The following NFIC variants were observed in gnomAD, a reference collection of about 807,000 sequenced individuals.
NFIC encodes nuclear factor I C.
NFIC carries 12 observed loss-of-function variants against 54.4 expected under a neutral mutation model. The ratio of observed to expected loss-of-function variants is 0.22; its 90% CI spans 0.14 to 0.36. The LOEUF (loss-of-function observed/expected upper bound fraction) is 0.36. Among genes scored for constraint, NFIC ranks in the 10% least tolerant of loss-of-function variants. NFIC has a pLI of 1.00. For missense variants in NFIC, 575 were observed against 718.2 expected (o/e 0.80, Z 2.28); for synonymous variants, 322 against 319.2 (o/e 1.01, Z -0.09).
rs527395817 is a variant in NFIC, at chr19:3,393,098, A to G, written c.562+10855A>G. Among the ~76,000 whole-genome samples the G allele has an allele frequency of 8.6e-5, 13 of 151,904 alleles. No homozygotes were observed. The East Asian group carries it at 1.4e-3, about 16-fold the overall frequency. On this transcript the variant is annotated intron_variant, in intron 2 of 10. Transcript: ENST00000443272. ...TGGGATTACAGGTGCCCGCCACCAC[A>G]CCCAGCTAATTTTTGTATTTTTAGT...
chr19:3,403,686 C>A (rs1188132615), intron 2 of NFIC, among the ~76,000 whole-genome samples: 6 of 152,256 alleles, frequency 3.9e-5, no homozygotes, highest in African/African-American at 1.4e-4. Flanking sequence ...GGCTCCCGCG[C>A]CTTCCTCCTG....
chr19:3,441,098 C>T (rs996626830), intron 6 of NFIC, among the ~76,000 whole-genome samples: 28 of 152,338 alleles, frequency 1.8e-4, no homozygotes, highest in Non-Finnish European at 3.7e-4. Flanking sequence ...GTGTGAGCCA[C>T]CACACCCGGC....
intron 1 of NFIC, among the ~76,000 whole-genome samples, chr19:3,380,251 G>A (rs538727166): frequency 5.0e-5 from 7 of 140,850 alleles, no homozygotes; most frequent in East Asian, 2.1e-4. Flanking sequence ...TGATCTGCCC[G>A]CCTTGGCCTC....
upstream of NFIC, among the ~76,000 whole-genome samples, chr19:3,363,263 ATATATATTTTT>A (rs1429665465): frequency 1.5e-4 from 9 of 60,938 alleles, no homozygotes; most frequent in African/African-American, 7.1e-4. Context: ...ATATATATAT[ATATATATTTTT>A]TTTTTTTTTT....
In NFIC at chr19:3,381,853, A is replaced by C. The variant is rs1157242906; in HGVS notation, c.172A>C (p.Lys58Gln). ...GTCGAAGGACGAGGAGCGTGCGGTC[A>C]AGGACGAGCTGCTGGGCGAGAAGCC... Reference protein sequence around the residue: ...RMSKDEERAVKDELLGEKPEV... With the variant: ...RMSKDEERAVQDELLGEKPEV... The change falls in exon 2 of 11, where the codon AAG becomes CAG. Residue 58 changes from lysine (K) to glutamine (Q), a missense_variant. This residue lies in a region of NFIC where 122 missense variants were observed against 158.0 expected (regional missense o/e 0.77). Coordinates refer to ENST00000443272, the MANE Select transcript of NFIC (RefSeq NM_001245002.2). 5.0e-6 allele frequency: 8 copies of C among 1,613,878 alleles called. No individual in the cohort carries two copies. Among genetic ancestry groups the C allele is most frequent in the Non-Finnish European group, 6.8e-6 (8 of 1,179,962 alleles).
intron 6 of NFIC, among the ~76,000 whole-genome samples, chr19:3,445,758 G>A (rs1457858086): frequency 6.6e-6 from 1 of 152,216 alleles, no homozygotes; most frequent in Non-Finnish European, 1.5e-5. Context: ...GTTCAGGGAA[G>A]GATGCAGCGA....
upstream of NFIC, among the ~76,000 whole-genome samples, chr19:3,365,879 G>T (rs1466906276): frequency 2.0e-5 from 3 of 152,188 alleles, no homozygotes; most frequent in Non-Finnish European, 1.5e-5. Flanking sequence ...CTGCACACAA[G>T]CCCCTCTAGC....
intron 2 of NFIC, among the ~76,000 whole-genome samples, chr19:3,398,830 G>C (rs1469505376): frequency 6.6e-6 from 1 of 152,354 alleles, no homozygotes; most frequent in Admixed American, 6.5e-5. Flanking sequence ...TGGGGAGGGG[G>C]AGGCTCTTAA....
At chr19:3,378,902 G>C (rs2081151909) in intron 1 of NFIC, among the ~76,000 whole-genome samples, 1 of 152,080 alleles carries the variant, frequency 6.6e-6, no homozygotes, top group African/African-American at 2.4e-5. Flanking sequence ...GATTAATCCT[G>C]GTGCACTTGA....
intron 9 of NFIC, among the ~76,000 whole-genome samples, chr19:3,455,750 G>T (rs2082544152): frequency 6.6e-6 from 1 of 152,114 alleles, no homozygotes; most frequent in Non-Finnish European, 1.5e-5. Flanking sequence ...CTTAATAGAT[G>T]CAGGATGCTG....
At position 3,459,589 on chromosome 19, in the gene NFIC, G is replaced by A. The variant is rs1319123351; in HGVS notation, c.1509+2954G>A. 6.6e-6 allele frequency among the ~76,000 whole-genome samples: 1 copy of A among 152,178 alleles called. No individual in the cohort carries two copies. The highest frequency in any genetic ancestry group is 1.9e-4 in the East Asian group (1 of 5,180). ...CCTCAGTCTCCCCTCAGCTGAGTGG[G>A]AGGATGTGGAGTTGAGGGTGCCCCC... On this transcript the variant is annotated intron_variant, in intron 10 of 10. Coordinates refer to ENST00000443272, the MANE Select transcript of NFIC (RefSeq NM_001245002.2). The surrounding 1 kb of genome is among the most constrained non-coding windows in gnomAD (Gnocchi z 4.2).
chr19:3,429,277 C>CACACAA (rs1290994380), intron 3 of NFIC, among the ~76,000 whole-genome samples: 2 of 142,694 alleles, frequency 1.4e-5, no homozygotes, highest in African/African-American at 5.2e-5. Context: ...CACACACACA[C>CACACAA]ACACACACAC....
At chr19:3,401,323 G>C (rs1019106280) in intron 2 of NFIC, among the ~76,000 whole-genome samples, 1 of 152,044 alleles carries the variant, frequency 6.6e-6, no homozygotes, top group Non-Finnish European at 1.5e-5. Context: ...AGGACAGACT[G>C]TGGGGGGTGA....
At chr19:3,416,765 CCA>C (rs2081861849) in intron 2 of NFIC, among the ~76,000 whole-genome samples, 1 of 151,364 alleles carries the variant, frequency 6.6e-6, no homozygotes, top group African/African-American at 2.4e-5. Context: ...CTCAGGTGAT[CCA>C]CCGCCTCGGC....
chr19:3,464,140 G>GCGAAGGGGGACCGC lies in NFIC; in HGVS notation c.*1374_*1387dup. The GCGAAGGGGGACCGC allele has an allele frequency of 1.0e-6, 1 of 985,352 alleles. No individual in the cohort carries two copies. The highest frequency in any genetic ancestry group is 1.2e-6 in the Non-Finnish European group (1 of 829,920). The allele number at this position is 985,352 out of a possible 1,614,324, so 61.0% of individuals were successfully genotyped here. A position where few individuals can be genotyped will look rare whatever the true frequency, so the allele number is the denominator to read the frequency against. On this transcript the variant is annotated 3_prime_UTR_variant, in exon 11 of 11. Transcript: ENST00000443272. The stretch of plus-strand genomic sequence containing the variant: ...CGACCCCCCTCCCTGGTGCCTCCCA[G>GCGAAGGGGGACCGC]CGAAGGGGGACCGCCGTTTGCACTT...
rs1328199412 is a variant in NFIC, at chr19:3,459,757, A to G, written c.1510-2995A>G. ...AGTCTGTCGGTTGCCAACAGAAACC[A>G]GACATGAGGTAATGGCCAAGATGAA... On this transcript the variant is annotated intron_variant, in intron 10 of 10. Transcript: ENST00000443272. This position sits in a 1 kb window ranked among gnomAD's most constrained non-coding sequence, Gnocchi z 4.2. 6.6e-6 allele frequency among the ~76,000 whole-genome samples: 1 copy of G among 152,254 alleles called. No individual in the cohort carries two copies. The highest frequency in any genetic ancestry group is 2.4e-5 in the African/African-American group (1 of 41,468).
At chr19:3,422,832 G>C (rs989793299) in intron 2 of NFIC, among the ~76,000 whole-genome samples, 1 of 152,120 alleles carries the variant, frequency 6.6e-6, no homozygotes, top group African/African-American at 2.4e-5. Flanking sequence ...TAACCCTGGT[G>C]AAAAAGCCCA....
rs1414302407 is a variant in NFIC at position 3,435,219 on chromosome 19, G to C, written c.958+12G>C. On this transcript the variant is annotated intron_variant, in intron 6 of 10. Coordinates refer to ENST00000443272, the MANE Select transcript of NFIC (RefSeq NM_001245002.2). ...GGACATGGAAGGAGGTAGGGCTGGT[G>C]GCGGGGGCGGAGCCGGCCTTCCGGT... is the stretch of plus-strand genomic sequence containing the variant. 6.4e-7 allele frequency: 1 copy of C among 1,568,760 alleles called. No individual in the cohort carries two copies. Among genetic ancestry groups the C allele is most frequent in the East Asian group, 2.4e-5 (1 of 42,534 alleles).
intron 3 of NFIC, among the ~76,000 whole-genome samples, chr19:3,426,862 C>T (rs897438547): frequency 6.6e-6 from 1 of 152,150 alleles, no homozygotes; most frequent in Admixed American, 6.6e-5. Context: ...GCTCAAATGC[C>T]CCCTTCTCAG....
Sources: gnomAD v4.1 joint callset for allele counts (sites outside exome capture counted in the v4.1 genomes callset) on GRCh38, gnomAD v4.1.1 for gene constraint, gnomAD v4.1.1 regional missense constraint, Gnocchi (gnomAD v3.1) non-coding constraint, MANE v1.5 for transcripts, NCBI Gene and HGNC (gene_info 2026-07-23, HGNC 2026-07-21) for gene names.